The following NXPE2 variants were observed in gnomAD, a reference collection of about 807,000 sequenced individuals.
The protein encoded by NXPE2 is neurexophilin and PC-esterase domain family member 2, also known as NXPE family member 2.
In NXPE2, 34 loss-of-function variants were observed where a neutral mutation model predicts 34.4. The observed-to-expected ratio is 0.99, with a 90% CI of 0.75 to 1.31. The LOEUF (loss-of-function observed/expected upper bound fraction) is 1.31, where lower values mean the gene tolerates loss of function less well. Ranked by LOEUF, NXPE2 falls within the 40% of genes most tolerant of loss-of-function variation. The pLI is 0.00. For synonymous variants in NXPE2, 235 were observed against 231.3 expected (o/e 1.02, Z -0.15); for missense variants, 649 against 672.5 (o/e 0.97, Z 0.39).
the NXPE2 span, among the ~76,000 whole-genome samples, chr11:114,641,242 T>C: frequency 1.3e-5 from 2 of 151,940 alleles, no homozygotes; most frequent in South Asian, 2.1e-4. Context: ...TTTAAAAATA[T>C]GGAGGAAAGA....
chr11:114,712,341 A>G, the NXPE2 span, among the ~76,000 whole-genome samples: 71 of 152,328 alleles, frequency 4.7e-4, 2 homozygotes, highest in Middle Eastern at 6.8e-3. Flanking sequence ...AAAACAATCA[A>G]CAGAATGAAA....
chr11:114,803,948 C>T, the NXPE2 span, among the ~76,000 whole-genome samples: 1 of 152,156 alleles, frequency 6.6e-6, no homozygotes, highest in Non-Finnish European at 1.5e-5. Flanking sequence ...TAATCACCCC[C>T]CAAAGGTCCT....
At chr11:114,530,111 A>G in the NXPE2 span, 13 of 1,482,568 alleles carry the variant, frequency 8.8e-6, no homozygotes, top group African/African-American at 4.2e-5. Flanking sequence ...GCAATGGGCA[A>G]TGTAGCTCTG....
the NXPE2 span, among the ~76,000 whole-genome samples, chr11:114,492,854 T>C: frequency 2.0e-5 from 3 of 152,220 alleles, no homozygotes; most frequent in East Asian, 5.8e-4. Context: ...CCAATGTTTC[T>C]TTGTTGATTT....
At chr11:114,813,334 A>G in the NXPE2 span, among the ~76,000 whole-genome samples, 2 of 152,234 alleles carry the variant, frequency 1.3e-5, no homozygotes, top group East Asian at 3.9e-4. Flanking sequence ...CAGACCATTC[A>G]TCTCTCTGCC....
the NXPE2 span, among the ~76,000 whole-genome samples, chr11:114,465,708 A>G: frequency 6.6e-6 from 1 of 152,240 alleles, no homozygotes; most frequent in Non-Finnish European, 1.5e-5. Context: ...ACAATAACAT[A>G]GTCCCAGCTA....
chr11:114,657,601 A>G, the NXPE2 span, among the ~76,000 whole-genome samples: 5 of 152,142 alleles, frequency 3.3e-5, no homozygotes, highest in Non-Finnish European at 2.9e-5. Context: ...ATGTATATTT[A>G]TATATCATAA....
chr11:114,663,586 C>CATCTATCTATCT, the NXPE2 span, among the ~76,000 whole-genome samples: 733 of 132,970 alleles, frequency 5.5e-3, 5 homozygotes, highest in Middle Eastern at 0.023. Context: ...CTCTATCTAT[C>CATCTATCTATCT]ATCTATCTAT....
chr11:114,581,989 G>T, the NXPE2 span, among the ~76,000 whole-genome samples: 1 of 152,192 alleles, frequency 6.6e-6, no homozygotes, highest in Non-Finnish European at 1.5e-5. Flanking sequence ...AAGAGAATTT[G>T]TTGAGTTGCA....
chr11:114,727,163 G>T, the NXPE2 span, among the ~76,000 whole-genome samples: 2 of 152,134 alleles, frequency 1.3e-5, no homozygotes, highest in South Asian at 2.1e-4. Flanking sequence ...AATTTGGACT[G>T]CTGTAACAAA....
chr11:114,807,438 A>G, the NXPE2 span, among the ~76,000 whole-genome samples: 1 of 152,154 alleles, frequency 6.6e-6, no homozygotes, highest in Admixed American at 6.5e-5. Flanking sequence ...TGCTGTATTC[A>G]GGAAACCCAT....
chr11:114,507,645 C>A, the NXPE2 span, among the ~76,000 whole-genome samples: 1 of 151,906 alleles, frequency 6.6e-6, no homozygotes, highest in African/African-American at 2.4e-5. Context: ...AGACAAAAAC[C>A]ACATGATTAT....
the NXPE2 span, among the ~76,000 whole-genome samples, chr11:114,634,298 T>C: frequency 6.6e-6 from 1 of 152,096 alleles, no homozygotes; most frequent in Non-Finnish European, 1.5e-5. Context: ...TTGCCCACTT[T>C]TTGATAGAGT....
the NXPE2 span, among the ~76,000 whole-genome samples, chr11:114,754,997 G>A: frequency 6.6e-6 from 1 of 152,180 alleles, no homozygotes; most frequent in Non-Finnish European, 1.5e-5. Flanking sequence ...GTTAGTTTAA[G>A]TAAGTTGCGA....
At chr11:114,629,758 A>G in the NXPE2 span, among the ~76,000 whole-genome samples, 1 of 151,370 alleles carries the variant, frequency 6.6e-6, no homozygotes, top group Non-Finnish European at 1.5e-5. Context: ...ACATGATTGT[A>G]TATCTAGAAA....
At chr11:114,591,913 C>G in the NXPE2 span, among the ~76,000 whole-genome samples, 1 of 152,190 alleles carries the variant, frequency 6.6e-6, no homozygotes, top group East Asian at 1.9e-4. Context: ...CAGGTGGCCC[C>G]TTCTCATTCA....
At chr11:114,596,894 G>T in the NXPE2 span, among the ~76,000 whole-genome samples, 1 of 152,146 alleles carries the variant, frequency 6.6e-6, no homozygotes, top group Non-Finnish European at 1.5e-5. Flanking sequence ...TTGACTTAAA[G>T]AACCAAGAGT....
the NXPE2 span, among the ~76,000 whole-genome samples, chr11:114,609,080 G>T: frequency 1.3e-5 from 2 of 150,872 alleles, no homozygotes; most frequent in African/African-American, 4.9e-5. Context: ...ACTGTTATCC[G>T]GTGGATAATA....
the NXPE2 span, among the ~76,000 whole-genome samples, chr11:114,731,127 GC>G: frequency 6.6e-6 from 1 of 152,050 alleles, no homozygotes; most frequent in Non-Finnish European, 1.5e-5. Flanking sequence ...TTTATCAAAA[GC>G]TTTTTCTGCA....
Sources: gnomAD v4.1 joint callset for allele counts (sites outside exome capture counted in the v4.1 genomes callset) on GRCh38, gnomAD v4.1.1 for gene constraint, MANE v1.5 for transcripts, NCBI Gene and HGNC (gene_info 2026-07-23, HGNC 2026-07-21) for gene names.